The following HDAC11 variants were observed in gnomAD, a reference collection of about 807,000 sequenced individuals.
The protein encoded by HDAC11 is histone deacetylase 11.
A neutral mutation model predicts 41.1 loss-of-function variants in HDAC11; 23 were observed. That is an observed-to-expected ratio of 0.56 (90% CI 0.40 to 0.79). The LOEUF (loss-of-function observed/expected upper bound fraction) is 0.79. Among genes scored for constraint, HDAC11 ranks in the 30% least tolerant of loss-of-function variants. The pLI, the probability that HDAC11 is intolerant of heterozygous loss-of-function variation, is 0.00. For missense variants in HDAC11, 402 were observed against 477.3 expected, an observed-to-expected ratio of 0.84 and a Z score of 1.47; for synonymous variants, 187 against 186.6, an observed-to-expected ratio of 1.00 and a Z score of -0.02.
Position 13,480,652 on chromosome 3 carries a change from C to T in HDAC11, c.2+303C>T. On this transcript the variant is annotated intron_variant, in intron 1 of 9. Coordinates refer to ENST00000295757, the MANE Select transcript of HDAC11 (RefSeq NM_024827.4). The surrounding 1 kb of genome is among the most constrained non-coding windows in gnomAD (Gnocchi z 4.6). ...CTGCCCAGCCCCCTGGCTACGCGGA[C>T]GCCCCCACGGAGGCAGCCACTGGGG... 2.5e-6 allele frequency: 1 copy of T among 406,816 alleles called. No individual in the cohort carries two copies. Among genetic ancestry groups the T allele is most frequent in the Non-Finnish European group, 5.0e-6 (1 of 200,276 alleles). 25.2% of individuals were successfully genotyped at this position (406,816 alleles called of 1,614,324 possible). A position where few individuals can be genotyped will look rare whatever the true frequency, so the allele number is the denominator to read the frequency against.
At position 13,480,774 on chromosome 3, in the gene HDAC11, G is replaced by A. The variant is rs1255281828; in HGVS notation, c.2+425G>A. 2.1e-6 allele frequency: 1 copy of A among 465,326 alleles called. No homozygotes were observed. The highest frequency in any genetic ancestry group is 4.4e-6 in the Non-Finnish European group (1 of 226,294). The allele number at this position is 465,326 out of a possible 1,614,324, so 28.8% of individuals were successfully genotyped here. On this transcript the variant is annotated intron_variant, in intron 1 of 9. Coordinates refer to ENST00000295757, the MANE Select transcript of HDAC11 (RefSeq NM_024827.4). The surrounding 1 kb of genome is among the most constrained non-coding windows in gnomAD (Gnocchi z 4.6). The stretch of plus-strand genomic sequence containing the variant: ...ATCCCCGCCCCCCGCCCTGGCTCAG[G>A]TTGGGTCCCGACTTGGGTTTCTGAG...
At chr3:13,494,714 T>C (rs1306897587) in intron 3 of HDAC11, among the ~76,000 whole-genome samples, 2 of 151,338 alleles carry the variant, frequency 1.3e-5, no homozygotes, top group Non-Finnish European at 2.9e-5. Context: ...TGATGCCAGC[T>C]TCCCCCGCCT....
At chr3:13,503,034 C>T (rs1387578266) in intron 8 of HDAC11, 54 bp downstream of exon 8, 9 of 1,345,836 alleles carry the variant, frequency 6.7e-6, no homozygotes, top group Non-Finnish European at 9.6e-6. Flanking sequence ...ATGAGGCTCT[C>T]TCCTGAGTGT....
intron 3 of HDAC11, among the ~76,000 whole-genome samples, chr3:13,484,589 C>G (rs549500819): frequency 6.6e-6 from 1 of 151,860 alleles, no homozygotes; most frequent in African/African-American, 2.4e-5. Flanking sequence ...TGCAGTGGCA[C>G]GATCTCAGCT....
chr3:13,492,683 A>G (rs1701920359), intron 3 of HDAC11, among the ~76,000 whole-genome samples: 1 of 152,170 alleles, frequency 6.6e-6, no homozygotes, highest in African/African-American at 2.4e-5. Context: ...AGCTGGGATT[A>G]CAGGCACCTG....
At chr3:13,496,461 G>T in intron 3 of HDAC11, 1 of 323,884 alleles carries the variant, frequency 3.1e-6, no homozygotes, top group Non-Finnish European at 5.7e-6. Flanking sequence ...GGCACAAGAG[G>T]GCAGCCAAGG....
intron 3 of HDAC11, among the ~76,000 whole-genome samples, chr3:13,491,779 C>G (rs534723013): frequency 6.6e-6 from 1 of 152,218 alleles, no homozygotes; most frequent in East Asian, 1.9e-4. Flanking sequence ...TGCCCTTTGG[C>G]GGGTGGTGGC....
In HDAC11 at chr3:13,504,700, T is replaced by C; in HGVS notation, c.*17T>C. On this transcript the variant is annotated 3_prime_UTR_variant, in exon 10 of 10. Coordinates refer to ENST00000295757, the MANE Select transcript of HDAC11 (RefSeq NM_024827.4). ...GTGCCCTGACCCTTGCTGCCCTGCCTGTCACGTGGCCCTGCCTATCCGCCC... is the reference window on the plus strand; with the variant it reads ...GTGCCCTGACCCTTGCTGCCCTGCCCGTCACGTGGCCCTGCCTATCCGCCC... 2 of 1,602,322 alleles carry C rather than the reference T, an allele frequency of 1.2e-6. No homozygotes were observed. The highest frequency in any genetic ancestry group is 1.7e-6 in the Non-Finnish European group (2 of 1,169,944).
At position 13,502,861 on chromosome 3, in the gene HDAC11, C is replaced by G. The variant is rs201532580; in HGVS notation, c.553-23C>G. 2.4e-4 allele frequency: 386 copies of G among 1,597,448 alleles called. No homozygotes were observed. The highest frequency in any genetic ancestry group is 8.3e-4 in the Middle Eastern group (5 of 6,028). On this transcript the variant is annotated intron_variant, in intron 7 of 9. Transcript: ENST00000295757. This position sits in a 1 kb window ranked among gnomAD's most constrained non-coding sequence, Gnocchi z 4.1. Reference sequence around the variant, plus strand: ...CTTGCCTAGGGCACCTACCCGAGAGCGGCTACTGTGACCTCCCCACAGGGC... The same window carrying G: ...CTTGCCTAGGGCACCTACCCGAGAGGGGCTACTGTGACCTCCCCACAGGGC...
intron 2 of HDAC11, among the ~76,000 whole-genome samples, chr3:13,482,805 A>G (rs756002153): frequency 5.4e-4 from 81 of 150,736 alleles, no homozygotes; most frequent in Non-Finnish European, 6.8e-4. Context: ...TTATTTGTTT[A>G]TTTATTTATT....
chr3:13,497,194 T>C (rs1702140869), intron 4 of HDAC11, among the ~76,000 whole-genome samples: 1 of 152,032 alleles, frequency 6.6e-6, no homozygotes, highest in Non-Finnish European at 1.5e-5. Flanking sequence ...TCTTTTTTTT[T>C]TTTGAGTAGA....
Position 13,504,660 on chromosome 3 carries a change from C to G in HDAC11, c.1021C>G (p.Leu341Val). The G allele has an allele frequency of 6.2e-7, 1 of 1,613,786 alleles. No homozygotes were observed. The highest frequency in any genetic ancestry group is 8.5e-7 in the Non-Finnish European group (1 of 1,179,976). ...SVSAQNSDTP[L>V]LPPAVP ...CTCCGCACAGAACTCAGACACACCG[C>G]TGCTTCCCCCTGCAGTGCCCTGACC... Residue 341 changes from leucine (L) to valine (V), a missense_variant, in exon 10 of 10, where the codon CTG (leucine) becomes GTG (valine). Transcript: ENST00000295757.
At chr3:13,499,382 T>G (rs1311237626) in intron 5 of HDAC11, among the ~76,000 whole-genome samples, 1 of 152,090 alleles carries the variant, frequency 6.6e-6, no homozygotes, top group East Asian at 1.9e-4. Flanking sequence ...TTGGTCAGGC[T>G]GGGTCTTGAA....
Position 13,502,255 on chromosome 3 carries a change from G to A in HDAC11, c.552+322G>A, listed in dbSNP as rs984697754. The stretch of plus-strand genomic sequence containing the variant: ...TTGCTTATGAATAATTTGGGGCACT[G>A]CCCCCTGCCCAGAGCTGCTGAGCAC... On this transcript the variant is annotated intron_variant, in intron 7 of 9. Coordinates refer to ENST00000295757, the MANE Select transcript of HDAC11 (RefSeq NM_024827.4). This position sits in a 1 kb window ranked among gnomAD's most constrained non-coding sequence, Gnocchi z 4.1. 3.1e-6 allele frequency: 1 copy of A among 320,596 alleles called. No homozygotes were observed. The highest frequency in any genetic ancestry group is 5.8e-6 in the Non-Finnish European group (1 of 173,274). 19.9% of individuals were successfully genotyped at this position (320,596 alleles called of 1,614,324 possible). A position where few individuals can be genotyped will look rare whatever the true frequency, so the allele number is the denominator to read the frequency against.
At position 13,483,543 on chromosome 3, in the gene HDAC11, G is replaced by A. The variant is rs1701419472; in HGVS notation, c.231G>A (p.Arg77=). ...AGGACCTGCTGGTGGTGCACACGAG[G>A]CGCTATCTTAATGAGCTCAAGGTAC... ...SEEDLLVVHT[R]RYLNELKWSF... Residue 77 remains arginine, a synonymous_variant, in exon 3 of 10, where the codon AGG becomes AGA. Transcript: ENST00000295757. 1 of 1,613,780 alleles carries A rather than the reference G, an allele frequency of 6.2e-7. No individual in the cohort carries two copies. The highest frequency in any genetic ancestry group is 8.5e-7 in the Non-Finnish European group (1 of 1,179,872).
Position 13,496,867 on chromosome 3 carries a change from G to C in HDAC11, c.369+15G>C. 1 of 1,456,874 alleles carries C rather than the reference G, an allele frequency of 6.9e-7. No individual in the cohort carries two copies. The highest frequency in any genetic ancestry group is 1.2e-5 in the South Asian group (1 of 82,150). The allele number at this position is 1,456,874 out of a possible 1,614,324, so 90.2% of individuals were successfully genotyped here. On this transcript the variant is annotated intron_variant, in intron 4 of 9. Transcript: ENST00000295757. ...GAACCATAATGGTAGGTGGGGTGGG[G>C]GGGCATGGCTGGGCTGGGGGCCCCC...
chr3:13,486,477 T>C (rs573417226), intron 3 of HDAC11, among the ~76,000 whole-genome samples: 1 of 148,264 alleles, frequency 6.7e-6, no homozygotes, highest in African/African-American at 2.5e-5. Context: ...AAGTGAAAAA[T>C]AGAGGGTAAT....
chr3:13,504,480 C>T lies in HDAC11; in HGVS notation c.841C>T (p.Arg281Trp), dbSNP rs2125013030. ...CTTCCCCTAACAGGGCATCGTGAAG[C>T]GGGATGAGCTGGTGTTCCGGATGGT... ...LSISPAGIVKRDELVFRMVRG... is the reference protein window; with the variant it reads ...LSISPAGIVKWDELVFRMVRG... Residue 281 changes from arginine to tryptophan, a missense_variant, in exon 10 of 10, where the codon CGG (arginine) becomes TGG (tryptophan). Arg to Trp is a moderately radical substitution (Grantham distance 101, BLOSUM62 -3). Coordinates refer to ENST00000295757, the MANE Select transcript of HDAC11 (RefSeq NM_024827.4). 5.0e-6 allele frequency: 8 copies of T among 1,613,274 alleles called. No homozygotes were observed. The highest frequency in any genetic ancestry group is 1.3e-5 in the African/African-American group (1 of 75,058).
In HDAC11 at chr3:13,504,121, A is replaced by G. The variant is rs1305026430; in HGVS notation, c.677A>G (p.Glu226Gly). Residue 226 changes from glutamate (E) to glycine (G), a missense_variant, in exon 9 of 10, where the codon GAG (glutamate) becomes GGG (glycine). Glu to Gly is a moderately conservative substitution (Grantham distance 98). Coordinates refer to ENST00000295757, the MANE Select transcript of HDAC11 (RefSeq NM_024827.4). ...KQAIRRKVEL[E>G]WGTEDDEYLD... ...GCCATCAGGCGGAAGGTGGAGCTGG[A>G]GTGGGGCACAGAGGATGATGAGTAC... is the stretch of plus-strand genomic sequence containing the variant. 6.2e-7 allele frequency: 1 copy of G among 1,613,944 alleles called. No homozygotes were observed. The highest frequency in any genetic ancestry group is 8.5e-7 in the Non-Finnish European group (1 of 1,180,036).
Sources: allele counts gnomAD v4.1 joint callset (sites outside exome capture counted in the v4.1 genomes callset), GRCh38; gene constraint gnomAD v4.1.1; non-coding constraint Gnocchi (gnomAD v3.1); transcripts MANE v1.5; gene names NCBI Gene and HGNC (gene_info 2026-07-23, HGNC 2026-07-21).